Variants in PLCB1 observed in about 807,000 individuals in gnomAD.
The protein encoded by PLCB1 is 1-phosphatidylinositol 4,5-bisphosphate phosphodiesterase beta-1.
In PLCB1, 46 loss-of-function variants were observed where a neutral mutation model predicts 161.8. That is an observed-to-expected ratio of 0.28 (90% CI 0.22 to 0.36). The LOEUF (loss-of-function observed/expected upper bound fraction) is 0.36. Among genes scored for constraint, PLCB1 ranks in the 10% least tolerant of loss-of-function variants. The probability of loss-of-function intolerance (pLI) is 1.00; values close to 1 mark genes in which losing one functional copy is unlikely to be tolerated. For synonymous variants in PLCB1, 517 were observed against 503.7 expected (o/e 1.03, Z -0.35); for missense variants, 1,016 against 1,472.5 (o/e 0.69, Z 5.07).
At chr20:8,759,579 C>T (rs572399372) in intron 24 of PLCB1, among the ~76,000 whole-genome samples, 56 of 152,294 alleles carry the variant, frequency 3.7e-4, no homozygotes, top group Non-Finnish European at 5.3e-4. Flanking sequence ...CAGCTCACTG[C>T]AACCTCTGCC....
chr20:8,327,806 T>C (rs1985214427), intron 2 of PLCB1, among the ~76,000 whole-genome samples: 1 of 152,194 alleles, frequency 6.6e-6, no homozygotes. Flanking sequence ...TTATGTTATC[T>C]TCTAGTTGCC....
At chr20:8,180,600 A>G (rs1378165939) in intron 2 of PLCB1, among the ~76,000 whole-genome samples, 1 of 152,230 alleles carries the variant, frequency 6.6e-6, no homozygotes, top group East Asian at 1.9e-4. Context: ...ATTAAGGAAT[A>G]GGCCAAAAGT....
intron 3 of PLCB1, among the ~76,000 whole-genome samples, chr20:8,464,581 C>G (rs1461717749): frequency 6.6e-6 from 1 of 152,158 alleles, no homozygotes; most frequent in Non-Finnish European, 1.5e-5. Flanking sequence ...CCCAAGCAGG[C>G]ATAGGCCAAG....
intron 1 of PLCB1, among the ~76,000 whole-genome samples, chr20:8,149,950 T>G (rs1013710983): frequency 5.3e-5 from 8 of 152,148 alleles, no homozygotes; most frequent in Middle Eastern, 3.2e-3. Context: ...TAAGCATGGA[T>G]TTTAGTTAAT....
chr20:8,354,619 G>A (rs1986298908), intron 2 of PLCB1, among the ~76,000 whole-genome samples: 2 of 152,200 alleles, frequency 1.3e-5, no homozygotes, highest in Non-Finnish European at 2.9e-5. Context: ...AGAACAAAAA[G>A]TGGAGGCTCT....
At chr20:8,556,251 A>G (rs1049858037) in intron 3 of PLCB1, among the ~76,000 whole-genome samples, 2 of 152,050 alleles carry the variant, frequency 1.3e-5, no homozygotes, top group African/African-American at 4.8e-5. Context: ...GTCTGTTTTG[A>G]CCTGAAGAGT....
At chr20:8,189,211 G>A (rs965605005) in intron 2 of PLCB1, among the ~76,000 whole-genome samples, 1 of 151,408 alleles carries the variant, frequency 6.6e-6, no homozygotes, top group Non-Finnish European at 1.5e-5. Context: ...TATTGTGTTC[G>A]AGATTTTTGC....
At chr20:8,684,229 A>ATTAATTATTTAT (rs1555783089) in intron 9 of PLCB1, among the ~76,000 whole-genome samples, 1 of 145,148 alleles carries the variant, frequency 6.9e-6, no homozygotes, top group East Asian at 2.2e-4. Flanking sequence ...CCACTTGTAA[A>ATTAATTATTTAT]TTATTTATTT....
intron 2 of PLCB1, among the ~76,000 whole-genome samples, chr20:8,259,608 C>G (rs915822820): frequency 1.3e-5 from 2 of 151,850 alleles, no homozygotes; most frequent in African/African-American, 4.8e-5. Flanking sequence ...AGGATGAGAC[C>G]CTGTCTCAAT....
intron 2 of PLCB1, among the ~76,000 whole-genome samples, chr20:8,360,423 C>T (rs996527644): frequency 6.6e-6 from 1 of 152,124 alleles, no homozygotes; most frequent in East Asian, 1.9e-4. Flanking sequence ...TGGAAAATGG[C>T]TCTACATTGA....
Position 8,765,246 on chromosome 20 carries a change from A to G in PLCB1, c.2818A>G (p.Lys940Glu). 1 of 1,614,022 alleles carries G rather than the reference A, an allele frequency of 6.2e-7. No homozygotes were observed. Among genetic ancestry groups the G allele is most frequent in the Non-Finnish European group, 8.5e-7 (1 of 1,179,870 alleles). The change falls in exon 26 of 32, where the codon AAA (lysine) becomes GAA (glutamate). Residue 940 changes from lysine (K) to glutamate (E), a missense_variant. Around this residue, in one of 10 missense-constraint regions of PLCB1, gnomAD observed 398 missense variants for 445.4 expected, o/e 0.89. Transcript: ENST00000338037. ...MKDLVKRHHKKTTDLIKEHTT... is the reference protein window; with the variant it reads ...MKDLVKRHHKETTDLIKEHTT... ...AGACCTGGTTAAGAGACACCACAAG[A>G]AAACCACTGACCTTATCAAAGAACA...
At chr20:8,160,573 T>C (rs2123049797) in intron 2 of PLCB1, among the ~76,000 whole-genome samples, 2 of 152,316 alleles carry the variant, frequency 1.3e-5, no homozygotes, top group South Asian at 4.1e-4. Flanking sequence ...GAAACTCCCA[T>C]TTTTAAAACC....
chr20:8,305,114 T>G (rs1331142606), intron 2 of PLCB1, among the ~76,000 whole-genome samples: 1 of 152,198 alleles, frequency 6.6e-6, no homozygotes, highest in Middle Eastern at 3.2e-3. Flanking sequence ...GTCCAGCACT[T>G]CCCCATACTA....
chr20:8,274,370 C>A (rs1249541068), intron 2 of PLCB1, among the ~76,000 whole-genome samples: 1 of 151,970 alleles, frequency 6.6e-6, no homozygotes, highest in Non-Finnish European at 1.5e-5. Flanking sequence ...TAACATGAAG[C>A]CTTAAAATTT....
chr20:8,307,497 T>C (rs758176840), intron 2 of PLCB1, among the ~76,000 whole-genome samples: 1 of 152,208 alleles, frequency 6.6e-6, no homozygotes, highest in Non-Finnish European at 1.5e-5. Flanking sequence ...TTAATGAGGT[T>C]TTGAACTTTT....
At chr20:8,339,781 T>C (rs1255785943) in intron 2 of PLCB1, among the ~76,000 whole-genome samples, 1 of 152,186 alleles carries the variant, frequency 6.6e-6, no homozygotes, top group Non-Finnish European at 1.5e-5. Context: ...TTTTCTTGTC[T>C]ATAAAATGGG....
At position 8,708,650 on chromosome 20, in the gene PLCB1, A is replaced by G. The variant is rs751168783; in HGVS notation, c.1168-20A>G. 2.0e-6 allele frequency: 3 copies of G among 1,512,740 alleles called. No individual in the cohort carries two copies. Among genetic ancestry groups the G allele is most frequent in the Admixed American group, 1.7e-5 (1 of 59,774 alleles). The allele number at this position is 1,512,740 out of a possible 1,614,324, so 93.7% of individuals were successfully genotyped here. The stretch of plus-strand genomic sequence containing the variant: ...TGAAAAATTCTGGCATACTGAATAT[A>G]CATGTGTTCTCATTTTTAGGAAGTG... On this transcript the variant is annotated intron_variant, in intron 11 of 31. Coordinates refer to ENST00000338037, the MANE Select transcript of PLCB1 (RefSeq NM_015192.4).
At chr20:8,633,441 C>T (rs1391011148) in intron 4 of PLCB1, among the ~76,000 whole-genome samples, 5 of 151,862 alleles carry the variant, frequency 3.3e-5, no homozygotes, top group African/African-American at 4.8e-5. Flanking sequence ...AAATATAACA[C>T]GTAAATTTGG....
At chr20:8,601,437 T>C (rs1987583564) in intron 3 of PLCB1, among the ~76,000 whole-genome samples, 1 of 152,194 alleles carries the variant, frequency 6.6e-6, no homozygotes. Flanking sequence ...TGTGTTCTCA[T>C]TATTTAGCTC....
Sources: allele counts gnomAD v4.1 joint callset (sites outside exome capture counted in the v4.1 genomes callset), GRCh38; gene constraint gnomAD v4.1.1; regional missense constraint gnomAD v4.1.1; transcripts MANE v1.5; gene names NCBI Gene and HGNC (gene_info 2026-07-23, HGNC 2026-07-21).